B4GALNT1: variants seen among roughly 807,000 people sequenced by gnomAD.
B4GALNT1 encodes beta-1,4-N-acetyl-galactosaminyltransferase 1, also known as beta-1,4 N-acetylgalactosaminyltransferase 1.
In B4GALNT1, 43 loss-of-function variants were observed where a neutral mutation model predicts 55.2. That is an observed-to-expected ratio of 0.78 (90% CI 0.61 to 1.00). The LOEUF (loss-of-function observed/expected upper bound fraction) is 1.00, where lower values mean the gene tolerates loss of function less well. B4GALNT1 is among the 50% of genes least tolerant of loss of function. B4GALNT1 has a pLI of 0.00. For missense variants in B4GALNT1, 664 were observed against 729.7 expected (o/e 0.91, Z 1.04); for synonymous variants, 305 against 311.6 (o/e 0.98, Z 0.22).
rs988520674 is a variant in B4GALNT1 at position 57,623,814 on chromosome 12, T to C, written c.*2930A>G. ...GTGGGAGGCTCTCTTCCTTTTTTGC[T>C]CCTGTTCCTCCTTTTCTCTAGCTGG... On this transcript the variant is annotated 3_prime_UTR_variant, in exon 11 of 11. Coordinates refer to ENST00000341156, the MANE Select transcript of B4GALNT1 (RefSeq NM_001478.5). The C allele has an allele frequency of 1.9e-6, 3 of 1,610,216 alleles. No homozygotes were observed. The highest frequency in any genetic ancestry group is 2.5e-6 in the Non-Finnish European group (3 of 1,178,502).
chr12:57,627,512 C>A, intron 10 of B4GALNT1, 106 bp downstream of exon 10: 1 of 1,418,860 alleles, frequency 7.0e-7, no homozygotes, highest in East Asian at 2.5e-5. Flanking sequence ...CTGGGGTTCC[C>A]GCTGGCGGCT....
Position 57,625,051 on chromosome 12 carries a change from G to T in B4GALNT1, c.*1693C>A, listed in dbSNP as rs868638066. On this transcript the variant is annotated 3_prime_UTR_variant, in exon 11 of 11. Coordinates refer to ENST00000341156, the MANE Select transcript of B4GALNT1 (RefSeq NM_001478.5). ...GGGAGGCAGGTGGGTGTTCTGAGGG[G>T]GATCCTTGTGCTCAAGGGGTGCATG... 8.7e-6 allele frequency: 14 copies of T among 1,613,368 alleles called. No individual in the cohort carries two copies. Among genetic ancestry groups the T allele is most frequent in the South Asian group, 6.6e-5 (6 of 91,064 alleles).
chr12:57,624,206 C>A lies in B4GALNT1; in HGVS notation c.*2538G>T, dbSNP rs181004315. The A allele has an allele frequency of 5.9e-6, 6 of 1,010,864 alleles. No homozygotes were observed. Among genetic ancestry groups the A allele is most frequent in the African/African-American group, 4.8e-5 (3 of 62,178 alleles). 62.6% of individuals were successfully genotyped at this position (1,010,864 alleles called of 1,614,324 possible). A position where few individuals can be genotyped will look rare whatever the true frequency, so the allele number is the denominator to read the frequency against. On this transcript the variant is annotated 3_prime_UTR_variant, in exon 11 of 11. Coordinates refer to ENST00000341156, the MANE Select transcript of B4GALNT1 (RefSeq NM_001478.5). ...CCTGGTCTTAAGTTCTGCAACCCAC[C>A]CACTCCCCCAGCAAACATAACTCCT...
At chr12:57,628,574 C>A in intron 8 of B4GALNT1, 139 bp downstream of exon 8, 2 of 1,101,042 alleles carry the variant, frequency 1.8e-6, no homozygotes, top group Non-Finnish European at 2.6e-6. Flanking sequence ...AGCTTACATT[C>A]CAGGAATCCT....
chr12:57,629,215 T>C (rs1442690965), intron 6 of B4GALNT1, 69 bp from the exon 7 acceptor site: 33 of 1,311,982 alleles, frequency 2.5e-5, no homozygotes, highest in Non-Finnish European at 3.3e-5. Flanking sequence ...CCAATCAATA[T>C]TTAAGTGCCT....
intron 9 of B4GALNT1, 84 bp downstream of exon 9, chr12:57,628,038 C>T: frequency 6.4e-6 from 10 of 1,569,566 alleles, no homozygotes; most frequent in East Asian, 2.3e-5. Flanking sequence ...TAGGGCTGGC[C>T]GTTCCTGGCC....
chr12:57,628,615 G>A, intron 8 of B4GALNT1, 98 bp downstream of exon 8: 2 of 1,399,032 alleles, frequency 1.4e-6, no homozygotes, highest in South Asian at 1.2e-5. Flanking sequence ...TGATTCTGAG[G>A]CAGGTGGTCC....
intron 6 of B4GALNT1, chr12:57,629,584 G>C: frequency 2.1e-6 from 1 of 472,556 alleles, no homozygotes; most frequent in Non-Finnish European, 3.6e-6. Context: ...TAAGTATTGA[G>C]TGGAAAATAA....
rs878987126 is a variant in B4GALNT1, at chr12:57,630,336, G to C, written c.532-4C>G. Reference sequence around the variant, plus strand: ...CTAGGGAGGCAGTCAGGTTCACCTAGGAGGGGATTGGAGAGTGCAGGGTTA... The same window carrying C: ...CTAGGGAGGCAGTCAGGTTCACCTACGAGGGGATTGGAGAGTGCAGGGTTA... On this transcript the variant is annotated splice_polypyrimidine_tract_variant and splice_region_variant and intron_variant, in intron 5 of 10. Coordinates refer to ENST00000341156, the MANE Select transcript of B4GALNT1 (RefSeq NM_001478.5). 5 of 1,613,088 alleles carry C rather than the reference G, an allele frequency of 3.1e-6. No homozygotes were observed. In the South Asian group the frequency reaches 4.4e-5, roughly 14 times the overall value.
At position 57,623,799 on chromosome 12, in the gene B4GALNT1, C is replaced by G. The variant is rs752616306; in HGVS notation, c.*2945G>C. ...AGCTCTCATGTGGGGGTGGGAGGCT[C>G]TCTTCCTTTTTTGCTCCTGTTCCTC... is the stretch of plus-strand genomic sequence containing the variant. On this transcript the variant is annotated 3_prime_UTR_variant, in exon 11 of 11. Coordinates refer to ENST00000341156, the MANE Select transcript of B4GALNT1 (RefSeq NM_001478.5). The G allele has an allele frequency of 1.1e-5, 17 of 1,592,878 alleles. No individual in the cohort carries two copies. The East Asian group carries it at 3.6e-4, about 33-fold the overall frequency.
Position 57,628,254 on chromosome 12 carries a change from G to A in B4GALNT1, c.1011C>T (p.Phe337=), listed in dbSNP as rs759167970. The A allele has an allele frequency of 8.1e-6, 13 of 1,614,128 alleles. No homozygotes were observed. Among genetic ancestry groups the A allele is most frequent in the Non-Finnish European group, 9.3e-6 (11 of 1,180,054 alleles). ...HYLMPFGKGW[F]AGRNLAVSQV... is the part of the protein sequence containing the mutation. ...GAGACACGGCCAGGTTCCGGCCTGC[G>A]AACCAGCCCTGGCAGAAAGGTGTGT... The change falls in exon 9 of 11, where the codon TTC becomes TTT. Residue 337 remains phenylalanine (F), a synonymous_variant. Coordinates refer to ENST00000341156, the MANE Select transcript of B4GALNT1 (RefSeq NM_001478.5).
In B4GALNT1 at chr12:57,626,941, C is replaced by A; in HGVS notation, c.1405G>T (p.Gly469Cys). 1 of 1,613,908 alleles carries A rather than the reference C, an allele frequency of 6.2e-7. No homozygotes were observed. The highest frequency in any genetic ancestry group is 8.5e-7 in the Non-Finnish European group (1 of 1,179,882). The change falls in exon 11 of 11, where the codon GGT becomes TGT. Residue 469 changes from glycine (G) to cysteine (C), a missense_variant. By Grantham distance (159) the Gly-to-Cys change is radical. Transcript: ENST00000341156. Reference protein sequence around the residue: ...AHLEFFLDGLGSLRVGSCSDV... With the variant: ...AHLEFFLDGLCSLRVGSCSDV... ...GAGCAGGAGCCAACCCGAAGGGAAC[C>A]AAGCCCATCCAAGAAGAATTCTGGG...
At chr12:57,627,257 G>C (rs571390683) in intron 10 of B4GALNT1, among the ~76,000 whole-genome samples, 1 of 152,242 alleles carries the variant, frequency 6.6e-6, no homozygotes, top group East Asian at 1.9e-4. Context: ...GTAGAGCAGG[G>C]GTGGCGGGAA....
chr12:57,632,262 G>T, intron 1 of B4GALNT1, 129 bp from the exon 2 acceptor site: 2 of 922,902 alleles, frequency 2.2e-6, no homozygotes, highest in Non-Finnish European at 3.5e-6. Context: ...CACACATCGC[G>T]CTAGGGTTTG....
rs1275610746 is a variant in B4GALNT1, at chr12:57,624,333, T to G, written c.*2411A>C. ...GGTGCGGGTCATTACATTTGGTGTG[T>G]GTCCCATTGAATCAACCCTGTTGTT... On this transcript the variant is annotated 3_prime_UTR_variant, in exon 11 of 11. Coordinates refer to ENST00000341156, the MANE Select transcript of B4GALNT1 (RefSeq NM_001478.5). 1 of 632,610 alleles carries G rather than the reference T, an allele frequency of 1.6e-6. No individual in the cohort carries two copies. The highest frequency in any genetic ancestry group is 2.9e-6 in the Non-Finnish European group (1 of 343,496). 39.2% of individuals were successfully genotyped at this position (632,610 alleles called of 1,614,324 possible).
chr12:57,623,804 C>T lies in B4GALNT1; in HGVS notation c.*2940G>A. 9 of 1,602,198 alleles carry T rather than the reference C, an allele frequency of 5.6e-6. No homozygotes were observed. The highest frequency in any genetic ancestry group is 7.7e-6 in the Non-Finnish European group (9 of 1,173,292). On this transcript the variant is annotated 3_prime_UTR_variant, in exon 11 of 11. Transcript: ENST00000341156. ...TCATGTGGGGGTGGGAGGCTCTCTT[C>T]CTTTTTTGCTCCTGTTCCTCCTTTT...
Position 57,626,664 on chromosome 12 carries a change from G to A in B4GALNT1, c.*80C>T. 1 of 1,504,572 alleles carries A rather than the reference G, an allele frequency of 6.6e-7. No individual in the cohort carries two copies. The highest frequency in any genetic ancestry group is 1.2e-5 in the South Asian group (1 of 85,746). The allele number at this position is 1,504,572 out of a possible 1,614,324, so 93.2% of individuals were successfully genotyped here. A position where few individuals can be genotyped will look rare whatever the true frequency, so the allele number is the denominator to read the frequency against. On this transcript the variant is annotated 3_prime_UTR_variant, in exon 11 of 11. Coordinates refer to ENST00000341156, the MANE Select transcript of B4GALNT1 (RefSeq NM_001478.5). Reference sequence around the variant, plus strand: ...GGGACAGCCAGTAGAGTGCTCACAGGGTGGTGGGGTTTGTTGGAAATTCCT... The same window carrying A: ...GGGACAGCCAGTAGAGTGCTCACAGAGTGGTGGGGTTTGTTGGAAATTCCT...
chr12:57,625,227 C>T lies in B4GALNT1; in HGVS notation c.*1517G>A, dbSNP rs529577838. Reference sequence around the variant, plus strand: ...GACACCTGGGTACTCCTGTCTTCTCCCATTCTAGTTGCTGAGCCTGTCAGG... The same window carrying T: ...GACACCTGGGTACTCCTGTCTTCTCTCATTCTAGTTGCTGAGCCTGTCAGG... On this transcript the variant is annotated 3_prime_UTR_variant, in exon 11 of 11. Coordinates refer to ENST00000341156, the MANE Select transcript of B4GALNT1 (RefSeq NM_001478.5). 1.2e-6 allele frequency: 2 copies of T among 1,614,094 alleles called. No individual in the cohort carries two copies. The highest frequency in any genetic ancestry group is 1.7e-5 in the Admixed American group (1 of 60,018).
At chr12:57,629,835 C>T in intron 6 of B4GALNT1, 2 of 1,466,742 alleles carry the variant, frequency 1.4e-6, no homozygotes, top group Non-Finnish European at 1.8e-6. Flanking sequence ...AGACCTTTGC[C>T]CTCTAGTAAG....
Sources: gnomAD v4.1 joint callset for allele counts (sites outside exome capture counted in the v4.1 genomes callset) on GRCh38, gnomAD v4.1.1 for gene constraint, MANE v1.5 for transcripts, NCBI Gene and HGNC (gene_info 2026-07-23, HGNC 2026-07-21) for gene names.